Variants in GLRA2 observed in about 807,000 individuals in gnomAD.
GLRA2 encodes glycine receptor alpha 2.
GLRA2 carries 11 observed loss-of-function variants against 31.6 expected under a neutral mutation model. The ratio of observed to expected loss-of-function variants is 0.35; its 90% CI spans 0.22 to 0.58. The LOEUF (loss-of-function observed/expected upper bound fraction) is 0.58, where lower values mean the gene tolerates loss of function less well. Among genes scored for constraint, GLRA2 ranks in the 20% least tolerant of loss-of-function variants. The pLI is 0.84. For missense variants in GLRA2, 212 were observed against 351.8 expected (o/e 0.60, Z 3.18); for synonymous variants, 132 against 134.0 (o/e 0.99, Z 0.10).
Position 14,706,865 on chromosome X carries a change from A to G in GLRA2, c.1080+16006A>G, listed in dbSNP as rs751633159. ...ATTCTGGAAAGCACAAAATGCTTCA[A>G]ATTATGGTAGTTTGGCAGTGATATC... On this transcript the variant is annotated intron_variant, in intron 8 of 8. Coordinates refer to ENST00000218075, the MANE Select transcript of GLRA2 (RefSeq NM_002063.4). Among the ~76,000 whole-genome samples the G allele has an allele frequency of 4.5e-5, 5 of 112,233 alleles. No homozygotes were observed. In the South Asian group the frequency reaches 1.8e-3, roughly 42 times the overall value.
chrX:14,663,155 G>A (rs964236966), intron 7 of GLRA2, among the ~76,000 whole-genome samples: 1 of 110,935 alleles, frequency 9.0e-6, no homozygotes, highest in East Asian at 2.8e-4. Flanking sequence ...GTACAATGTT[G>A]CATAATAATG....
At chrX:14,651,044 C>T (rs762975502) in intron 7 of GLRA2, among the ~76,000 whole-genome samples, 3 of 111,929 alleles carry the variant, frequency 2.7e-5, no homozygotes, top group African/African-American at 9.7e-5. Context: ...TAGTAAAGAT[C>T]GCTATAGTCC....
chrX:14,518,140 C>A, the GLRA2 span, among the ~76,000 whole-genome samples: 5,467 of 111,404 alleles, frequency 0.049, 142 homozygotes, highest in Non-Finnish European at 0.074. Context: ...TAAATGTACA[C>A]CAAAATCACA....
chrX:14,598,106 G>T (rs1332221612), intron 4 of GLRA2, among the ~76,000 whole-genome samples: 2 of 111,488 alleles, frequency 1.8e-5, no homozygotes, highest in Non-Finnish European at 3.8e-5. Flanking sequence ...CATAAAGAGA[G>T]ATAAATGTGG....
At chrX:14,524,613 G>A (rs941602423), upstream of GLRA2, among the ~76,000 whole-genome samples, 1 of 111,458 alleles carries the variant, frequency 9.0e-6, no homozygotes, top group Admixed American at 9.6e-5. Context: ...TGAGGAGGAC[G>A]TTTTTTCTGT....
At chrX:14,585,385 A>G (rs2090069172) in intron 4 of GLRA2, among the ~76,000 whole-genome samples, 3 of 111,791 alleles carry the variant, frequency 2.7e-5, no homozygotes, top group Admixed American at 9.6e-5. Context: ...CAAGGAAAAC[A>G]AAAGTGGCTC....
chrX:14,461,942 G>C, the GLRA2 span, among the ~76,000 whole-genome samples: 1 of 112,123 alleles, frequency 8.9e-6, no homozygotes, highest in Non-Finnish European at 1.9e-5. Context: ...TCTTCATAGC[G>C]TTGATGGTCT....
intron 4 of GLRA2, among the ~76,000 whole-genome samples, chrX:14,588,824 AT>A (rs780906789): frequency 2.7e-5 from 3 of 109,743 alleles, no homozygotes; most frequent in Admixed American, 9.7e-5. Context: ...TAAGTATTTC[AT>A]TTTTTTTGTA....
chrX:14,521,133 A>T, the GLRA2 span, among the ~76,000 whole-genome samples: 1 of 112,473 alleles, frequency 8.9e-6, no homozygotes, highest in Non-Finnish European at 1.9e-5. Flanking sequence ...GATCCCTGAG[A>T]TATTTGTGAT....
intron 2 of GLRA2, among the ~76,000 whole-genome samples, chrX:14,560,794 T>C (rs1347278356): frequency 1.6e-5 from 1 of 60,659 alleles, no homozygotes; most frequent in African/African-American, 6.2e-5. Context: ...AGAGACCCTG[T>C]CTCAAAAAAA....
At chrX:14,681,910 A>AAATATATATAT (rs758563376) in intron 7 of GLRA2, among the ~76,000 whole-genome samples, 27 of 41,276 alleles carry the variant, frequency 6.5e-4, no homozygotes, top group African/African-American at 3.2e-3. Context: ...AAAAAAAAAA[A>AAATATATATAT]ATATATATAT....
chrX:14,728,669 G>A (rs1369530148), intron 8 of GLRA2, among the ~76,000 whole-genome samples: 2 of 112,026 alleles, frequency 1.8e-5, no homozygotes, highest in Non-Finnish European at 3.8e-5. Context: ...ATCACAATGG[G>A]CAATGTCGAT....
rs368138282 is a variant in GLRA2, at chrX:14,730,312, C to A, written c.1186C>A (p.Pro396Thr). The A allele has an allele frequency of 2.4e-5, 29 of 1,208,233 alleles. No homozygotes were observed. The Middle Eastern group carries it at 1.4e-3, about 58-fold the overall frequency. Residue 396 changes from proline to threonine, a missense_variant, in exon 9 of 9, where the codon CCA becomes ACA. Pro to Thr is a conservative substitution (Grantham distance 38, BLOSUM62 -1). This residue lies in a region of GLRA2 where 42 missense variants were observed against 52.0 expected (regional missense o/e 0.81). Transcript: ENST00000218075. ...AGCTGTCAAGGCCACACCTGCCAAC[C>A]CACTCCCACAACCGCCAAAAGATGG... ...GTAVKATPAN[P>T]LPQPPKDGDA...
rs1056491553 is a variant in GLRA2 at position 14,690,865 on chromosome X, A to T, written c.1080+6A>T. The T allele has an allele frequency of 3.3e-6, 4 of 1,206,409 alleles. No individual in the cohort carries two copies. The African/African-American group carries it at 5.3e-5, about 16-fold the overall frequency. On this transcript the variant is annotated splice_donor_region_variant and intron_variant, in intron 8 of 8. Transcript: ENST00000218075. ...GACAGAAGAGGCAGAATAAGGTATG[A>T]TTGCCCCTCAGTTCAGACAATGTAG...
At chrX:14,612,525 G>C in intron 7 of GLRA2, among the ~76,000 whole-genome samples, 1 of 111,200 alleles carries the variant, frequency 9.0e-6, no homozygotes, top group Admixed American at 9.6e-5. Flanking sequence ...ACATGCACAG[G>C]TATGTTTATT....
chrX:14,608,918 TA>T (rs1413670382), intron 6 of GLRA2, 72 bp from the exon 7 acceptor site: 4 of 464,192 alleles, frequency 8.6e-6, no homozygotes, highest in Non-Finnish European at 1.4e-5. Context: ...TTTTTTTTTT[TA>T]AACAACGTGG....
intron 4 of GLRA2, among the ~76,000 whole-genome samples, chrX:14,585,004 TTG>T (rs1359044206): frequency 9.0e-6 from 1 of 111,349 alleles, no homozygotes; most frequent in Non-Finnish European, 1.9e-5. Context: ...GAGGCAATTC[TTG>T]TGTCTCTGGT....
chrX:14,645,816 T>A (rs1246083788), intron 7 of GLRA2, among the ~76,000 whole-genome samples: 1 of 111,891 alleles, frequency 8.9e-6, no homozygotes, highest in Non-Finnish European at 1.9e-5. Flanking sequence ...TGCCCATTTG[T>A]TTGCCTATTC....
chrX:14,514,268 G>T, the GLRA2 span, among the ~76,000 whole-genome samples: 2 of 109,466 alleles, frequency 1.8e-5, no homozygotes, highest in Non-Finnish European at 3.8e-5. Context: ...GGTGGGAGGG[G>T]GTGAGGGCAA....
Sources: allele counts gnomAD v4.1 joint callset (sites outside exome capture counted in the v4.1 genomes callset), GRCh38; gene constraint gnomAD v4.1.1; regional missense constraint gnomAD v4.1.1; transcripts MANE v1.5; gene names NCBI Gene and HGNC (gene_info 2026-07-23, HGNC 2026-07-21).